The following DIS3L2 variants were observed in gnomAD, a reference collection of about 807,000 sequenced individuals.
The protein encoded by DIS3L2 is DIS3 like 3'-5' exoribonuclease 2.
In DIS3L2, 34 loss-of-function variants were observed where a neutral mutation model predicts 97.5. That is an observed-to-expected ratio of 0.35 (90% CI 0.27 to 0.46). DIS3L2 has a LOEUF of 0.46. Among genes scored for constraint, DIS3L2 ranks in the 20% least tolerant of loss-of-function variants. The pLI is 1.00. For synonymous variants in DIS3L2, 435 were observed against 445.2 expected, an observed-to-expected ratio of 0.98 and a Z score of 0.29; for missense variants, 1,038 against 1,146.0, an observed-to-expected ratio of 0.91 and a Z score of 1.36.
chr2:232,309,497 G>C (rs1424794924), intron 14 of DIS3L2, among the ~76,000 whole-genome samples: 1 of 151,910 alleles, frequency 6.6e-6, no homozygotes, highest in African/African-American at 2.4e-5. Flanking sequence ...CTCAGGCTAC[G>C]GCCCAGGTTT....
At chr2:232,244,595 G>A (rs1018271422) in intron 11 of DIS3L2, among the ~76,000 whole-genome samples, 2 of 152,228 alleles carry the variant, frequency 1.3e-5, no homozygotes, top group African/African-American at 4.8e-5. Flanking sequence ...GACACTCGTT[G>A]TGAGATGGCA....
At chr2:232,291,894 GC>G (rs1199948578) in intron 13 of DIS3L2, among the ~76,000 whole-genome samples, 1 of 152,022 alleles carries the variant, frequency 6.6e-6, no homozygotes, top group Non-Finnish European at 1.5e-5. Context: ...TCATTTTTTT[GC>G]CCTTCCAAGG....
At chr2:232,124,875 T>A (rs184826122) in intron 6 of DIS3L2, among the ~76,000 whole-genome samples, 1 of 152,368 alleles carries the variant, frequency 6.6e-6, no homozygotes, top group East Asian at 1.9e-4. Flanking sequence ...TAACCTTTTC[T>A]CATTAAATAT....
intron 7 of DIS3L2, among the ~76,000 whole-genome samples, chr2:232,134,952 C>T (rs1027298210): frequency 6.6e-6 from 1 of 152,022 alleles, no homozygotes; most frequent in Non-Finnish European, 1.5e-5. Context: ...ACTTGGAGAA[C>T]AGGCAAGGGT....
rs10682281 is a variant in DIS3L2 at position 232,128,451 on chromosome 2, A to ATTTTTTTTTTTT, written c.602-2151_602-2140dup. ...TCTCATTAAATTGACAACTTTGCTAATTTTTTTTTTTTTTTTTTTTTTTTT... is the reference window on the plus strand; with the variant it reads ...TCTCATTAAATTGACAACTTTGCTAATTTTTTTTTTTTTTTTTTTTTTTTTTTTTTTTTTTTT... On this transcript the variant is annotated intron_variant, in intron 6 of 20. Transcript: ENST00000325385. Among the ~76,000 whole-genome samples the ATTTTTTTTTTTT allele has an allele frequency of 2.1e-3, 147 of 71,696 alleles. 9 individuals carry two copies. The highest frequency in any genetic ancestry group is 8.5e-3 in the African/African-American group (143 of 16,832). 47.0% of individuals were successfully genotyped at this position (71,696 alleles called of 152,430 possible).
chr2:232,255,116 C>T (rs750175364), intron 12 of DIS3L2, among the ~76,000 whole-genome samples: 14 of 152,158 alleles, frequency 9.2e-5, no homozygotes, highest in Non-Finnish European at 1.8e-4. Flanking sequence ...TTGAGTTTAG[C>T]AAGGGCTGGG....
intron 9 of DIS3L2, among the ~76,000 whole-genome samples, chr2:232,182,809 A>G (rs1318818519): frequency 6.6e-6 from 1 of 152,200 alleles, no homozygotes; most frequent in Non-Finnish European, 1.5e-5. Flanking sequence ...ACATACAATT[A>G]AATACTATTA....
At chr2:232,227,575 C>G (rs1443989875) in intron 10 of DIS3L2, among the ~76,000 whole-genome samples, 1 of 152,136 alleles carries the variant, frequency 6.6e-6, no homozygotes, top group East Asian at 1.9e-4. Flanking sequence ...TTTGTGACGT[C>G]TTGGGGAGTC....
intron 14 of DIS3L2, among the ~76,000 whole-genome samples, chr2:232,306,903 C>T (rs763409641): frequency 5.9e-5 from 9 of 152,264 alleles, no homozygotes; most frequent in African/African-American, 1.2e-4. Context: ...CTGCGTACAA[C>T]GTGTCCCTGT....
chr2:232,045,478 G>A lies in DIS3L2; in HGVS notation c.366+15398G>A, dbSNP rs987565917. On this transcript the variant is annotated intron_variant, in intron 5 of 20. Coordinates refer to ENST00000325385, the MANE Select transcript of DIS3L2 (RefSeq NM_152383.5). Reference sequence around the variant, plus strand: ...TAGTTCTGGAGGCTGGGAAGTCAAAGATCAAGGCACTGGCAGGTTCAACTG... The same window carrying A: ...TAGTTCTGGAGGCTGGGAAGTCAAAAATCAAGGCACTGGCAGGTTCAACTG... 5.3e-5 allele frequency among the ~76,000 whole-genome samples: 8 copies of A among 152,218 alleles called. No individual in the cohort carries two copies. The East Asian group carries it at 1.5e-3, about 29-fold the overall frequency.
rs1272618634 is a variant in DIS3L2 at position 232,176,408 on chromosome 2, A to G, written c.1124+12776A>G. Among the ~76,000 whole-genome samples the G allele has an allele frequency of 2.6e-5, 4 of 151,850 alleles. No individual in the cohort carries two copies. The East Asian group carries it at 7.7e-4, about 29-fold the overall frequency. ...ATTTTGTTGATCTTTTCACATAGCCAACTTTTATTTTCTTCTTATTCTTTT... is the reference window on the plus strand; with the variant it reads ...ATTTTGTTGATCTTTTCACATAGCCGACTTTTATTTTCTTCTTATTCTTTT... On this transcript the variant is annotated intron_variant, in intron 9 of 20. Coordinates refer to ENST00000325385, the MANE Select transcript of DIS3L2 (RefSeq NM_152383.5).
intron 12 of DIS3L2, among the ~76,000 whole-genome samples, chr2:232,258,558 TGGTGACAG>T (rs796069410): frequency 4.6e-5 from 6 of 130,724 alleles, no homozygotes; most frequent in African/African-American, 1.7e-4. Context: ...CACTCCAACC[TGGTGACAG>T]AGTGACAGAG....
At chr2:232,002,212 A>G (rs973761165) in intron 1 of DIS3L2, among the ~76,000 whole-genome samples, 6 of 152,098 alleles carry the variant, frequency 3.9e-5, no homozygotes, top group African/African-American at 7.2e-5. Flanking sequence ...TGGGTTTTCT[A>G]TTCTGTTCCA....
rs1386840230 is a variant in DIS3L2, at chr2:232,336,872, G to A, written c.*242G>A. 7.5e-7 allele frequency: 1 copy of A among 1,341,366 alleles called. No homozygotes were observed. Among genetic ancestry groups the A allele is most frequent in the Non-Finnish European group, 9.5e-7 (1 of 1,047,418 alleles). The allele number at this position is 1,341,366 out of a possible 1,614,324, so 83.1% of individuals were successfully genotyped here. A position where few individuals can be genotyped will look rare whatever the true frequency, so the allele number is the denominator to read the frequency against. On this transcript the variant is annotated 3_prime_UTR_variant, in exon 21 of 21. Coordinates refer to ENST00000325385, the MANE Select transcript of DIS3L2 (RefSeq NM_152383.5). Reference sequence around the variant, plus strand: ...GCAGAGCAGGCCCCAGTCCTCCTGGGAGGCTGGCCCCCCTTTTTTCTGGGC... The same window carrying A: ...GCAGAGCAGGCCCCAGTCCTCCTGGAAGGCTGGCCCCCCTTTTTTCTGGGC...
chr2:232,009,523 AG>A (rs1694139913), intron 1 of DIS3L2, among the ~76,000 whole-genome samples: 1 of 152,124 alleles, frequency 6.6e-6, no homozygotes, highest in Non-Finnish European at 1.5e-5. Context: ...AGCGTATCTT[AG>A]TGGTCAGCCT....
chr2:232,334,905 G>A (rs1168564465), intron 19 of DIS3L2, 170 bp downstream of exon 19: 9 of 605,516 alleles, frequency 1.5e-5, no homozygotes, highest in Admixed American at 6.0e-5. Context: ...TGGGATGGTG[G>A]CTCCAGGCCC....
chr2:232,095,828 G>A (rs1696990373), intron 6 of DIS3L2, among the ~76,000 whole-genome samples: 1 of 151,922 alleles, frequency 6.6e-6, no homozygotes, highest in African/African-American at 2.4e-5. Flanking sequence ...TACTTTCACT[G>A]GATATACTAT....
At chr2:231,998,817 C>G (rs938320407) in intron 1 of DIS3L2, among the ~76,000 whole-genome samples, 2 of 152,030 alleles carry the variant, frequency 1.3e-5, no homozygotes, top group Non-Finnish European at 2.9e-5. Context: ...ATGGCTTCTC[C>G]CTTTCACTTA....
At chr2:232,138,080 G>T (rs972842270) in intron 8 of DIS3L2, among the ~76,000 whole-genome samples, 25 of 152,156 alleles carry the variant, frequency 1.6e-4, no homozygotes, top group Non-Finnish European at 1.5e-5. Flanking sequence ...CCCATTGTGT[G>T]TACTTGATTG....
Sources: gnomAD v4.1 joint callset for allele counts (sites outside exome capture counted in the v4.1 genomes callset) on GRCh38, gnomAD v4.1.1 for gene constraint, MANE v1.5 for transcripts, NCBI Gene and HGNC (gene_info 2026-07-23, HGNC 2026-07-21) for gene names.